Variants in TEAD1 observed in about 807,000 individuals in gnomAD.
TEAD1 encodes TEA domain transcription factor 1.
TEAD1 carries 9 observed loss-of-function variants against 54.9 expected under a neutral mutation model. The ratio of observed to expected loss-of-function variants is 0.16; its 90% CI spans 0.10 to 0.29. The LOEUF (loss-of-function observed/expected upper bound fraction) is 0.29, where lower values mean the gene tolerates loss of function less well. TEAD1 is among the 10% of genes least tolerant of loss of function. TEAD1 has a pLI of 1.00. For missense variants in TEAD1, 387 were observed against 535.9 expected, an observed-to-expected ratio of 0.72 and a Z score of 2.74; for synonymous variants, 200 against 187.8, an observed-to-expected ratio of 1.07 and a Z score of -0.53.
rs149885936 is a variant in TEAD1 at position 12,798,955 on chromosome 11, A to ACC, written c.202+34528_202+34529dup. ...AAAACAAAACAAAAGCAACAACAAA[A>ACC]CCCCCCCCAGGCATTCTGCCTGCTG... is the stretch of plus-strand genomic sequence containing the variant. On this transcript the variant is annotated intron_variant, in intron 3 of 12. Transcript: ENST00000527636. 3.3e-5 allele frequency among the ~76,000 whole-genome samples: 5 copies of ACC among 151,238 alleles called. No individual in the cohort carries two copies. In the East Asian group the frequency reaches 9.7e-4, roughly 29 times the overall value.
chr11:12,708,647 A>T (rs1943869270), intron 2 of TEAD1, among the ~76,000 whole-genome samples: 1 of 152,170 alleles, frequency 6.6e-6, no homozygotes, highest in Non-Finnish European at 1.5e-5. Context: ...GTACAAGTAT[A>T]CACAAAAGGG....
Position 12,680,152 on chromosome 11 carries a change from CTG to C in TEAD1, c.-55+4594_-55+4595del, listed in dbSNP as rs529104803. On this transcript the variant is annotated intron_variant, in intron 2 of 12. Transcript: ENST00000527636. Reference sequence around the variant, plus strand: ...TTGCTTTATCTGTTCCTTCTTTACTCTGTGACTTGATGGCATTTTGTGAAGGG... The same window carrying C: ...TTGCTTTATCTGTTCCTTCTTTACTCTGACTTGATGGCATTTTGTGAAGGG... Among the ~76,000 whole-genome samples, 523 of 152,358 alleles carry C rather than the reference CTG, an allele frequency of 3.4e-3. 3 individuals are homozygous for C. The highest frequency in any genetic ancestry group is 0.011 in the African/African-American group (477 of 41,584).
At chr11:12,862,182 G>T in intron 3 of TEAD1, 68 bp from the exon 4 acceptor site, 2 of 1,300,646 alleles carry the variant, frequency 1.5e-6, no homozygotes, top group African/African-American at 1.5e-5. Flanking sequence ...TTTGTTTTTT[G>T]CTTTCAAGGG....
chr11:12,822,036 T>C (rs568153059), intron 3 of TEAD1, among the ~76,000 whole-genome samples: 1 of 137,648 alleles, frequency 7.3e-6, no homozygotes, highest in Non-Finnish European at 1.5e-5. Flanking sequence ...CGATCTCCGC[T>C]CACTGCAAGC....
chr11:12,822,201 A>G (rs1222481074), intron 3 of TEAD1, among the ~76,000 whole-genome samples: 1 of 151,874 alleles, frequency 6.6e-6, no homozygotes, highest in Non-Finnish European at 1.5e-5. Context: ...CTGACCCATT[A>G]TCCGCCCGCC....
chr11:12,812,682 C>T (rs1011271370), intron 3 of TEAD1, among the ~76,000 whole-genome samples: 3 of 152,116 alleles, frequency 2.0e-5, no homozygotes, highest in African/African-American at 4.8e-5. Context: ...ATGCTGGAAG[C>T]GCATAGATTT....
chr11:12,926,459 T>C (rs1948904096), intron 11 of TEAD1, among the ~76,000 whole-genome samples: 1 of 152,176 alleles, frequency 6.6e-6, no homozygotes, highest in Non-Finnish European at 1.5e-5. Flanking sequence ...TAACTGGATA[T>C]TAATGAGGAG....
chr11:12,693,011 G>T (rs997389610), intron 2 of TEAD1, among the ~76,000 whole-genome samples: 1 of 152,130 alleles, frequency 6.6e-6, no homozygotes, highest in African/African-American at 2.4e-5. Flanking sequence ...ACCCCTACTG[G>T]TCCTGTGCTT....
At chr11:12,825,463 C>T (rs1194971182) in intron 3 of TEAD1, among the ~76,000 whole-genome samples, 1 of 152,172 alleles carries the variant, frequency 6.6e-6, no homozygotes, top group Non-Finnish European at 1.5e-5. Context: ...CTGAAACCCA[C>T]ATTATGAACA....
chr11:12,941,558 A>G lies in TEAD1; in HGVS notation c.*4336A>G, dbSNP rs1251816345. Reference sequence around the variant, plus strand: ...ACAAACCAGGTACATATTAATTTGTATAATTTTGTATATGCTCTGGTACAC... The same window carrying G: ...ACAAACCAGGTACATATTAATTTGTGTAATTTTGTATATGCTCTGGTACAC... On this transcript the variant is annotated 3_prime_UTR_variant, in exon 13 of 13. Transcript: ENST00000527636. The G allele has an allele frequency of 6.6e-6, 1 of 152,646 alleles. No individual in the cohort carries two copies. The highest frequency in any genetic ancestry group is 2.1e-4 in the South Asian group (1 of 4,832). The allele number at this position is 152,646 out of a possible 1,614,324, so 9.5% of individuals were successfully genotyped here.
intron 3 of TEAD1, among the ~76,000 whole-genome samples, chr11:12,833,435 G>C (rs1946823284): frequency 6.6e-6 from 1 of 152,170 alleles, no homozygotes; most frequent in Non-Finnish European, 1.5e-5. Context: ...ATGCAAAGCA[G>C]AAGAGTGCTG....
At chr11:12,923,077 A>G (rs1321524104) in intron 10 of TEAD1, among the ~76,000 whole-genome samples, 1 of 151,932 alleles carries the variant, frequency 6.6e-6, no homozygotes, top group Non-Finnish European at 1.5e-5. Context: ...CTCCTAGTAT[A>G]TATATATATA....
chr11:12,864,594 A>T, intron 4 of TEAD1: 1 of 975,114 alleles, frequency 1.0e-6, no homozygotes, highest in Non-Finnish European at 1.4e-6. Context: ...CCCAAAGAGT[A>T]GCGATTTTAT....
At chr11:12,878,940 T>C (rs1389816110) in intron 5 of TEAD1, 21 of 1,277,358 alleles carry the variant, frequency 1.6e-5, no homozygotes, top group Non-Finnish European at 2.1e-5. Flanking sequence ...GTATTTTAGC[T>C]GTGCTTGGCA....
chr11:12,826,265 AC>A (rs1199519905), intron 3 of TEAD1, among the ~76,000 whole-genome samples: 1 of 152,198 alleles, frequency 6.6e-6, no homozygotes. Flanking sequence ...ATTTTTACTT[AC>A]CACTCAAAAA....
intron 3 of TEAD1, among the ~76,000 whole-genome samples, chr11:12,788,794 A>G (rs76260647): frequency 0.022 from 3,286 of 152,366 alleles, 125 homozygotes; most frequent in African/African-American, 0.076. Flanking sequence ...AAATGCATCT[A>G]TATGTGTATA....
At chr11:12,754,455 C>T (rs1454698001) in intron 2 of TEAD1, among the ~76,000 whole-genome samples, 1 of 152,156 alleles carries the variant, frequency 6.6e-6, no homozygotes, top group Non-Finnish European at 1.5e-5. Context: ...AGATCTGACA[C>T]CCACACAAGA....
intron 2 of TEAD1, among the ~76,000 whole-genome samples, chr11:12,739,062 A>G (rs4620705): frequency 0.079 from 12,053 of 152,236 alleles, 674 homozygotes; most frequent in Non-Finnish European, 0.12. Flanking sequence ...ATGGTTGGAA[A>G]GATACAAGGG....
chr11:12,764,478 T>G, intron 3 of TEAD1, 44 bp downstream of exon 3: 2 of 1,591,554 alleles, frequency 1.3e-6, no homozygotes, highest in Non-Finnish European at 1.7e-6. Context: ...CAACCTGCAG[T>G]TGTGGTAGGG....
Sources: gnomAD v4.1 joint callset for allele counts (sites outside exome capture counted in the v4.1 genomes callset) on GRCh38, gnomAD v4.1.1 for gene constraint, MANE v1.5 for transcripts, NCBI Gene and HGNC (gene_info 2026-07-23, HGNC 2026-07-21) for gene names.